The following TSC2 variants were observed in gnomAD, a reference collection of about 807,000 sequenced individuals.
TSC2 encodes the protein tuberin.
TSC2 carries 29 observed loss-of-function variants against 202.2 expected under a neutral mutation model. The ratio of observed to expected loss-of-function variants is 0.14; its 90% CI spans 0.11 to 0.20. The LOEUF is 0.20. Among genes scored for constraint, TSC2 ranks in the 10% least tolerant of loss-of-function variants. The probability of loss-of-function intolerance (pLI) is 1.00; values close to 1 mark genes in which losing one functional copy is unlikely to be tolerated. For missense variants in TSC2, 2,429 were observed against 2,420.0 expected (o/e 1.00, Z -0.08); for synonymous variants, 1,349 against 1,044.0 (o/e 1.29, Z -5.63).
chr16:2,062,411 C>G, intron 12 of TSC2, 86 bp from the exon 13 acceptor site: 1 of 1,347,808 alleles, frequency 7.4e-7, no homozygotes, highest in Non-Finnish European at 1.0e-6. Context: ...GCTCTGACAG[C>G]AAACCAGCCT....
At chr16:2,078,872 G>C (rs968717783) in intron 26 of TSC2, 160 bp from the exon 27 acceptor site, 1 of 875,284 alleles carries the variant, frequency 1.1e-6, no homozygotes, top group Admixed American at 1.9e-5. Flanking sequence ...TGTGGTCCAC[G>C]TGATTCTCAA....
chr16:2,080,671 A>T (rs554403500), intron 30 of TSC2: 4 of 406,670 alleles, frequency 9.8e-6, no homozygotes, highest in African/African-American at 4.1e-5. Flanking sequence ...TTTCTAGTAG[A>T]GATGGGGTTT....
At chr16:2,066,961 C>T (rs554422908) in intron 16 of TSC2, among the ~76,000 whole-genome samples, 11 of 152,154 alleles carry the variant, frequency 7.2e-5, no homozygotes, top group African/African-American at 2.4e-4. Flanking sequence ...CACGCCCGGC[C>T]TGCCTCTACT....
chr16:2,075,816 CACCTCT>C lies in TSC2; in HGVS notation c.2566_2571del (p.Leu856_Tyr857del). ...TACCGCAGCTCTGGCCAGGCTGCCG[CACCTCT>C]ACAGGAACTTTGCCGCGGAGCAGTA... is the stretch of plus-strand genomic sequence containing the variant. On this transcript the variant is annotated inframe_deletion, in exon 23 of 42. Transcript: ENST00000219476. 6.2e-7 allele frequency: 1 copy of C among 1,612,934 alleles called. No homozygotes were observed. The highest frequency in any genetic ancestry group is 8.5e-7 in the Non-Finnish European group (1 of 1,179,990).
chr16:2,072,169 C>T, intron 19 of TSC2, 72 bp from the exon 20 acceptor site: 1 of 1,607,604 alleles, frequency 6.2e-7, no homozygotes, highest in Non-Finnish European at 8.5e-7. Flanking sequence ...CAAAGCAGAG[C>T]CTCAGATGCT....
rs140223009 is a variant in TSC2, at chr16:2,062,618, G to C, written c.1361+18G>C. On this transcript the variant is annotated intron_variant, in intron 13 of 41. Transcript: ENST00000219476. The stretch of plus-strand genomic sequence containing the variant: ...TTCTTCAGGTAGGGGGTCCTCTGTA[G>C]CCTTGCCTGGCACCTGGAGCCTGGC... 995 of 1,589,900 alleles carry C rather than the reference G, an allele frequency of 6.3e-4. 6 individuals carry two copies. The African/African-American group carries it at 0.012, about 19-fold the overall frequency.
chr16:2,082,007 C>T (rs1657328293), intron 31 of TSC2: 2 of 728,418 alleles, frequency 2.7e-6, no homozygotes, highest in Non-Finnish European at 4.6e-6. Flanking sequence ...CTGGCAGCTT[C>T]AGAAGCAGTA....
chr16:2,088,862 CACTCGCGCGT>C lies in TSC2; in HGVS notation c.*253_*262del. ...TTGAGGCTGCCTGGGCCATACAGCA[CACTCGCGCGT>C]GCGCGCGCGCACACACACACACACA... On this transcript the variant is annotated 3_prime_UTR_variant, in exon 42 of 42. Coordinates refer to ENST00000219476, the MANE Select transcript of TSC2 (RefSeq NM_000548.5). 1.8e-6 allele frequency: 1 copy of C among 552,216 alleles called. No homozygotes were observed. Among genetic ancestry groups the C allele is most frequent in the Non-Finnish European group, 3.2e-6 (1 of 311,982 alleles). 34.2% of individuals were successfully genotyped at this position (552,216 alleles called of 1,614,324 possible).
At chr16:2,069,735 T>C (rs138316910) in intron 16 of TSC2, among the ~76,000 whole-genome samples, 7,900 of 151,734 alleles carry the variant, frequency 0.052, 268 homozygotes, top group Middle Eastern at 0.097. Context: ...CCGCCTCGGC[T>C]TCCCAAAGTG....
intron 21 of TSC2, 73 bp downstream of exon 21, chr16:2,073,056 C>T (rs956709950): frequency 1.9e-6 from 3 of 1,604,894 alleles, no homozygotes; most frequent in Admixed American, 3.4e-5. Context: ...GTAGGCCCCA[C>T]ATTTTTCTCA....
intron 25 of TSC2, among the ~76,000 whole-genome samples, chr16:2,076,955 G>A (rs565972085): frequency 2.0e-5 from 3 of 152,226 alleles, no homozygotes; most frequent in Non-Finnish European, 2.9e-5. Flanking sequence ...TTGCCGGACC[G>A]CAAAGAGCTG....
chr16:2,079,239 C>T lies in TSC2; in HGVS notation c.3132-37C>T, dbSNP rs2151436222. The T allele has an allele frequency of 6.2e-7, 1 of 1,612,936 alleles. No homozygotes were observed. The highest frequency in any genetic ancestry group is 8.5e-7 in the Non-Finnish European group (1 of 1,180,022). On this transcript the variant is annotated intron_variant, in intron 27 of 41. Transcript: ENST00000219476. This position sits in a 1 kb window ranked among gnomAD's most constrained non-coding sequence, Gnocchi z 4.6. ...GGGCTGGGCGGGCCTGCGGGAGCTC[C>T]ACGGGCAAGCTGGGTTTCACGCTCC...
rs2151209815 is a variant in TSC2 at position 2,065,607 on chromosome 16, C to T, written c.1688C>T (p.Ala563Val). ...YSASLEDVKT[A>V]VLGLLVILQT... ...GCCTCCTTGGAGGATGTGAAGACAG[C>T]CGTCCTGGGGCTTCTGGTCATCCTT... The change falls in exon 16 of 42, where the codon GCC becomes GTC. Residue 563 changes from alanine (A) to valine (V), a missense_variant. Transcript: ENST00000219476. 7 of 1,613,746 alleles carry T rather than the reference C, an allele frequency of 4.3e-6. No individual in the cohort carries two copies. The highest frequency in any genetic ancestry group is 5.9e-6 in the Non-Finnish European group (7 of 1,179,982).
Position 2,056,209 on chromosome 16 carries a change from C to G in TSC2, c.613C>G (p.Leu205Val), listed in dbSNP as rs1596275276. 6.2e-7 allele frequency: 1 copy of G among 1,614,028 alleles called. No homozygotes were observed. The highest frequency in any genetic ancestry group is 8.5e-7 in the Non-Finnish European group (1 of 1,180,042). Residue 205 changes from leucine (L) to valine (V), a missense_variant, in exon 7 of 42, where the codon CTG becomes GTG. Leu to Val is a conservative substitution (Grantham distance 32). Transcript: ENST00000219476. ...TGCTCCCTGCAGGATGATCTGTCTG[C>G]TGTGCGTCCGGACCGCGTCCTCTGT... is the stretch of plus-strand genomic sequence containing the variant. The part of the protein sequence containing the change: ...IARMVQMICL[L>V]CVRTASSVDI...
intron 31 of TSC2, chr16:2,082,117 G>C: frequency 1.7e-6 from 1 of 590,010 alleles, no homozygotes; most frequent in Non-Finnish European, 3.0e-6. Flanking sequence ...CTGGGCCCAG[G>C]TTTGGACACC....
chr16:2,052,342 C>G (rs1021754867), intron 3 of TSC2, among the ~76,000 whole-genome samples: 1 of 151,984 alleles, frequency 6.6e-6, no homozygotes, highest in East Asian at 1.9e-4. Flanking sequence ...CAAGGTCTCA[C>G]TCTGTCACCC....
chr16:2,055,466 C>T lies in TSC2; in HGVS notation c.546C>T (p.Asn182=), dbSNP rs2085665682. 2 of 1,614,200 alleles carry T rather than the reference C, an allele frequency of 1.2e-6. No homozygotes were observed. The highest frequency in any genetic ancestry group is 1.1e-5 in the South Asian group (1 of 91,084). ...LSSEFLLVLV[N]LVKFNSCYLD... ...CGGAATTCCTTCTGGTGCTGGTGAA[C>T]TTGGTCAAATTCAATAGCTGTTACC... Residue 182 remains asparagine, a synonymous_variant, in exon 6 of 42, where the codon AAC becomes AAT. Transcript: ENST00000219476.
In TSC2 at chr16:2,071,504, T is replaced by A. The variant is rs747952317; in HGVS notation, c.1840-6T>A. 3 of 1,613,534 alleles carry A rather than the reference T, an allele frequency of 1.9e-6. No homozygotes were observed. The highest frequency in any genetic ancestry group is 2.5e-6 in the Non-Finnish European group (3 of 1,179,988). ...GCTCTGGCTTTCACCATCCTCTTCC[T>A]GACAGGCCTTTGACTTCCTGTTGCT... On this transcript the variant is annotated splice_polypyrimidine_tract_variant and splice_region_variant and intron_variant, in intron 17 of 41. Transcript: ENST00000219476.
At chr16:2,051,334 G>A (rs1455860290) in intron 3 of TSC2, among the ~76,000 whole-genome samples, 5 of 150,952 alleles carry the variant, frequency 3.3e-5, no homozygotes, top group African/African-American at 7.3e-5. Context: ...AAAAAAAAAA[G>A]GAAGAGTTTG....
Sources: gnomAD v4.1 joint callset for allele counts (sites outside exome capture counted in the v4.1 genomes callset) on GRCh38, gnomAD v4.1.1 for gene constraint, Gnocchi (gnomAD v3.1) non-coding constraint, MANE v1.5 for transcripts, NCBI Gene and HGNC (gene_info 2026-07-23, HGNC 2026-07-21) for gene names.